The following CFAP299 variants were observed in gnomAD, a reference collection of about 807,000 sequenced individuals.
CFAP299 encodes the protein cilia- and flagella-associated protein 299.
In CFAP299, 21 loss-of-function variants were observed where a neutral mutation model predicts 27.0. That is an observed-to-expected ratio of 0.78 (90% CI 0.55 to 1.12). The LOEUF (loss-of-function observed/expected upper bound fraction) is 1.12, where lower values mean the gene tolerates loss of function less well. Ranked by LOEUF, CFAP299 falls within the 50% of genes most tolerant of loss-of-function variation. CFAP299 has a pLI of 0.00. For missense variants in CFAP299, 310 were observed against 276.6 expected, an observed-to-expected ratio of 1.12 and a Z score of -0.86; for synonymous variants, 104 against 98.1, an observed-to-expected ratio of 1.06 and a Z score of -0.36.
chr4:80,844,497 A>G (rs2110141796), intron 3 of CFAP299, among the ~76,000 whole-genome samples: 1 of 152,264 alleles, frequency 6.6e-6, no homozygotes, highest in Non-Finnish European at 1.5e-5. Flanking sequence ...CATTTCTCTG[A>G]TGGCCAGTGA....
intron 3 of CFAP299, among the ~76,000 whole-genome samples, chr4:80,866,059 T>TTTTTTATATATATATATA (rs886156357): frequency 1.7e-5 from 1 of 58,374 alleles, no homozygotes; most frequent in African/African-American, 3.8e-5. Flanking sequence ...ACTTAAAGTA[T>TTTTTTATATATATATATA]TATATATATA....
At position 80,858,835 on chromosome 4, in the gene CFAP299, G is replaced by A. The variant is rs1262052003; in HGVS notation, c.334-11158G>A. Among the ~76,000 whole-genome samples, 12 of 151,930 alleles carry A rather than the reference G, an allele frequency of 7.9e-5. No individual in the cohort carries two copies. In the East Asian group the frequency reaches 2.3e-3, roughly 29 times the overall value. ...AGGAGAGCTTTACTTCCAACTATGT[G>A]GTCAATTTTGGAATAGGTGTGGTGT... is the stretch of plus-strand genomic sequence containing the variant. On this transcript the variant is annotated intron_variant, in intron 3 of 5. Coordinates refer to ENST00000358105, the MANE Select transcript of CFAP299 (RefSeq NM_152770.3).
intron 2 of CFAP299, among the ~76,000 whole-genome samples, chr4:80,400,393 G>C (rs981567600): frequency 1.3e-5 from 2 of 152,044 alleles, no homozygotes; most frequent in Admixed American, 6.6e-5. Context: ...AGCTTGAATT[G>C]TATCTCCCAG....
intron 4 of CFAP299, among the ~76,000 whole-genome samples, chr4:80,927,760 C>T (rs1736378924): frequency 6.6e-6 from 1 of 152,118 alleles, no homozygotes; most frequent in Non-Finnish European, 1.5e-5. Context: ...ACTTCTTCTG[C>T]CTTCCTCTGC....
chr4:80,534,965 A>G (rs1029512357), intron 2 of CFAP299, among the ~76,000 whole-genome samples: 1 of 152,326 alleles, frequency 6.6e-6, no homozygotes, highest in South Asian at 2.1e-4. Flanking sequence ...AAGCTTCTAA[A>G]TTCTATAGAG....
intron 4 of CFAP299, among the ~76,000 whole-genome samples, chr4:80,899,774 A>G (rs917612310): frequency 1.3e-5 from 2 of 152,152 alleles, no homozygotes; most frequent in African/African-American, 2.4e-5. Context: ...CTTCAGCTAC[A>G]TTGGGCAAGT....
At chr4:80,767,890 T>A (rs1229228320) in intron 3 of CFAP299, among the ~76,000 whole-genome samples, 2 of 152,100 alleles carry the variant, frequency 1.3e-5, no homozygotes, top group East Asian at 3.9e-4. Flanking sequence ...CAAAATAGAC[T>A]CTCTATTTTT....
At position 80,362,897 on chromosome 4, in the gene CFAP299, G is replaced by A. The variant is rs766781005; in HGVS notation, c.242+13G>A. The A allele has an allele frequency of 6.3e-7, 1 of 1,594,992 alleles. No homozygotes were observed. The highest frequency in any genetic ancestry group is 8.5e-7 in the Non-Finnish European group (1 of 1,174,632). Reference sequence around the variant, plus strand: ...GAGCTCAGCAAAAGTAAGTGTCCATGTTCCAAATCCAGATTTTATGTTATA... The same window carrying A: ...GAGCTCAGCAAAAGTAAGTGTCCATATTCCAAATCCAGATTTTATGTTATA... On this transcript the variant is annotated intron_variant, in intron 2 of 5. Transcript: ENST00000358105.
intron 2 of CFAP299, among the ~76,000 whole-genome samples, chr4:80,405,335 G>C (rs1192888728): frequency 6.6e-6 from 1 of 152,126 alleles, no homozygotes; most frequent in Non-Finnish European, 1.5e-5. Context: ...TATGGCGTTA[G>C]ATCAAGACTA....
intron 2 of CFAP299, among the ~76,000 whole-genome samples, chr4:80,464,676 T>C (rs1203250030): frequency 6.6e-6 from 1 of 152,210 alleles, no homozygotes; most frequent in Non-Finnish European, 1.5e-5. Flanking sequence ...TTCATTTTAA[T>C]AAATTCTAAA....
intron 2 of CFAP299, among the ~76,000 whole-genome samples, chr4:80,469,298 T>G (rs971606944): frequency 4.6e-5 from 7 of 152,214 alleles, no homozygotes; most frequent in Non-Finnish European, 7.3e-5. Context: ...GCCATGGAGT[T>G]GACTGCCAGT....
In CFAP299 at chr4:80,805,953, C is replaced by G. The variant is rs146348332; in HGVS notation, c.334-64040C>G. 2.5e-3 allele frequency among the ~76,000 whole-genome samples: 379 copies of G among 152,060 alleles called. 8 individuals are homozygous for G. Among genetic ancestry groups the G allele is most frequent in the Admixed American group, 0.021 (324 of 15,264 alleles). ...AATGAAGAAAGAATATCTCTGCACT[C>G]AAGGATTTCATAATATACTATGGCA... On this transcript the variant is annotated intron_variant, in intron 3 of 5. Coordinates refer to ENST00000358105, the MANE Select transcript of CFAP299 (RefSeq NM_152770.3).
At position 80,603,475 on chromosome 4, in the gene CFAP299, G is replaced by A. The variant is rs547027939; in HGVS notation, c.333+20292G>A. Among the ~76,000 whole-genome samples the A allele has an allele frequency of 1.8e-3, 268 of 152,152 alleles. 1 individual carries two copies. Among genetic ancestry groups the A allele is most frequent in the African/African-American group, 3.0e-3 (123 of 41,526 alleles). ...ATATGTGTACATTATAATAGCTATC[G>A]CTGAGTGCTGAGAGTCAGAGATGAT... is the stretch of plus-strand genomic sequence containing the variant. On this transcript the variant is annotated intron_variant, in intron 3 of 5. Coordinates refer to ENST00000358105, the MANE Select transcript of CFAP299 (RefSeq NM_152770.3).
intron 2 of CFAP299, among the ~76,000 whole-genome samples, chr4:80,457,887 T>C (rs528379910): frequency 6.6e-6 from 1 of 152,338 alleles, no homozygotes; most frequent in African/African-American, 2.4e-5. Context: ...TCTGAAACGT[T>C]ACTTCTGCAT....
At position 80,639,033 on chromosome 4, in the gene CFAP299, A is replaced by C. The variant is rs987112945; in HGVS notation, c.333+55850A>C. ...ATCAAGCTCTTTGGTGTCTCTTCTT[A>C]TAAGGCCACTACTCCTATTATGAGG... On this transcript the variant is annotated intron_variant, in intron 3 of 5. Transcript: ENST00000358105. Among the ~76,000 whole-genome samples, 7 of 152,118 alleles carry C rather than the reference A, an allele frequency of 4.6e-5. No homozygotes were observed. In the South Asian group the frequency reaches 1.5e-3, roughly 32 times the overall value.
intron 3 of CFAP299, among the ~76,000 whole-genome samples, chr4:80,622,890 T>A (rs1258451908): frequency 6.6e-6 from 1 of 152,162 alleles, no homozygotes; most frequent in Non-Finnish European, 1.5e-5. Flanking sequence ...TGACTCTCGC[T>A]CAATCAATTT....
At chr4:80,345,637 G>T (rs1722690910) in intron 1 of CFAP299, among the ~76,000 whole-genome samples, 1 of 152,032 alleles carries the variant, frequency 6.6e-6, no homozygotes, top group Non-Finnish European at 1.5e-5. Context: ...GTATTCCATG[G>T]TGTCTATGTG....
chr4:80,902,483 T>G (rs7440444), intron 4 of CFAP299, among the ~76,000 whole-genome samples: 6,678 of 119,738 alleles, frequency 0.056, 576 homozygotes, highest in African/African-American at 0.26. Flanking sequence ...TGTATATATG[T>G]ATATATACAT....
At chr4:80,330,705 G>C in the CFAP299 span, among the ~76,000 whole-genome samples, 5 of 152,158 alleles carry the variant, frequency 3.3e-5, no homozygotes, top group Admixed American at 3.3e-4. Flanking sequence ...ATTCTGACTT[G>C]TGCTGTTATT....
Sources: gnomAD v4.1 joint callset for allele counts (sites outside exome capture counted in the v4.1 genomes callset) on GRCh38, gnomAD v4.1.1 for gene constraint, MANE v1.5 for transcripts, NCBI Gene and HGNC (gene_info 2026-07-23, HGNC 2026-07-21) for gene names.